The following SCRG1 variants were observed in gnomAD, a reference collection of about 807,000 sequenced individuals.
SCRG1 encodes stimulator of chondrogenesis 1, also known as scrapie-responsive protein 1.
SCRG1 carries 3 observed loss-of-function variants against 7.7 expected under a neutral mutation model. That is an observed-to-expected ratio of 0.39 (90% CI 0.18 to 1.01). SCRG1 has a LOEUF of 1.01. SCRG1 is among the 50% of genes least tolerant of loss of function. SCRG1 has a pLI of 0.36. For missense variants in SCRG1, 110 were observed against 117.2 expected (o/e 0.94, Z 0.28); for synonymous variants, 46 against 41.2 (o/e 1.12, Z -0.44).
the SCRG1 span, among the ~76,000 whole-genome samples, chr4:173,451,928 T>G: frequency 1.3e-5 from 2 of 152,176 alleles, no homozygotes; most frequent in Non-Finnish European, 2.9e-5. Flanking sequence ...CTGAGGTAGC[T>G]CTTGCAAGAA....
At chr4:173,485,116 A>T in the SCRG1 span, among the ~76,000 whole-genome samples, 598 of 52,232 alleles carry the variant, frequency 0.011, 99 homozygotes, top group Non-Finnish European at 0.017. Context: ...ATATTATATA[A>T]TATATAATAT....
chr4:173,498,030 C>G, the SCRG1 span, among the ~76,000 whole-genome samples: 1 of 152,176 alleles, frequency 6.6e-6, no homozygotes, highest in Non-Finnish European at 1.5e-5. Flanking sequence ...CGCCTTCTCC[C>G]AATATCCATC....
At chr4:173,473,503 T>C in the SCRG1 span, among the ~76,000 whole-genome samples, 1 of 152,178 alleles carries the variant, frequency 6.6e-6, no homozygotes, top group African/African-American at 2.4e-5. Flanking sequence ...ACAGATGATC[T>C]AGCTGTTGGA....
the SCRG1 span, among the ~76,000 whole-genome samples, chr4:173,427,250 G>C: frequency 1.3e-5 from 2 of 152,140 alleles, no homozygotes; most frequent in Non-Finnish European, 2.9e-5. Context: ...CCTATCTGCT[G>C]TCTAGCAGTT....
chr4:173,441,664 A>G, the SCRG1 span, among the ~76,000 whole-genome samples: 4 of 152,242 alleles, frequency 2.6e-5, no homozygotes, highest in Non-Finnish European at 5.9e-5. Context: ...CCACTGTGCT[A>G]GATGTGAGGC....
upstream of SCRG1, among the ~76,000 whole-genome samples, chr4:173,400,151 G>A (rs552498546): frequency 1.3e-5 from 2 of 152,298 alleles, no homozygotes; most frequent in East Asian, 3.9e-4. Context: ...GGTTTCCTGG[G>A]AGGAAAGGAG....
chr4:173,414,438 C>A, the SCRG1 span, among the ~76,000 whole-genome samples: 1 of 152,186 alleles, frequency 6.6e-6, no homozygotes, highest in South Asian at 2.1e-4. Flanking sequence ...AACTCAGCTT[C>A]CTGCAGTGGT....
chr4:173,502,594 G>A, the SCRG1 span, among the ~76,000 whole-genome samples: 1 of 152,158 alleles, frequency 6.6e-6, no homozygotes, highest in African/African-American at 2.4e-5. This position sits in a 1 kb window ranked among gnomAD's most constrained non-coding sequence, Gnocchi z 4.6. Context: ...TGTGGGCCCT[G>A]GGAGGAGTCC....
the SCRG1 span, among the ~76,000 whole-genome samples, chr4:173,418,351 T>C: frequency 6.6e-6 from 1 of 152,194 alleles, no homozygotes; most frequent in South Asian, 2.1e-4. Flanking sequence ...ACAGCACACC[T>C]TAGAGAGTTG....
chr4:173,499,796 GA>G, the SCRG1 span, among the ~76,000 whole-genome samples: 2,282 of 152,016 alleles, frequency 0.015, 54 homozygotes, highest in East Asian at 0.048. The surrounding 1 kb of genome is among the most constrained non-coding windows in gnomAD (Gnocchi z 4.1). Flanking sequence ...CATTTGGGGA[GA>G]AAAAAAAGTG....
At chr4:173,401,958 T>A (rs1490058829), upstream of SCRG1, among the ~76,000 whole-genome samples, 4 of 152,238 alleles carry the variant, frequency 2.6e-5, no homozygotes, top group Admixed American at 1.3e-4. Flanking sequence ...GAGTCTGCCT[T>A]TGTGGTTTTT....
At chr4:173,456,758 CAA>C in the SCRG1 span, among the ~76,000 whole-genome samples, 1 of 152,044 alleles carries the variant, frequency 6.6e-6, no homozygotes, top group Non-Finnish European at 1.5e-5. Flanking sequence ...TAAGGATTGA[CAA>C]AAAAAAAGTA....
chr4:173,476,467 AGTGT>A, the SCRG1 span, among the ~76,000 whole-genome samples: 1 of 151,460 alleles, frequency 6.6e-6, no homozygotes, highest in African/African-American at 2.4e-5. Flanking sequence ...TTCGCAAGTC[AGTGT>A]GCACTGAGTA....
In SCRG1 at chr4:173,386,262, A is replaced by G. The variant is rs1167192555; in HGVS notation, c.*2079T>C. ...CCATTCTCCTGCCTCAGCCTCCCAA[A>G]TAGCTGGGACTAGAGGCGCCTGCCA... On this transcript the variant is annotated 3_prime_UTR_variant, in exon 3 of 3. Coordinates refer to ENST00000296506, the MANE Select transcript of SCRG1 (RefSeq NM_007281.4). 3 of 151,648 alleles carry G rather than the reference A, an allele frequency of 2.0e-5. No individual in the cohort carries two copies. The highest frequency in any genetic ancestry group is 4.4e-5 in the Non-Finnish European group (3 of 68,468). The allele number at this position is 151,648 out of a possible 1,614,324, so 9.4% of individuals were successfully genotyped here.
At chr4:173,497,924 C>T in the SCRG1 span, among the ~76,000 whole-genome samples, 1 of 152,130 alleles carries the variant, frequency 6.6e-6, no homozygotes, top group African/African-American at 2.4e-5. Flanking sequence ...AGGTGATCCA[C>T]CCGCCTCGGC....
At chr4:173,471,658 GCCTATGTGCATA>G in the SCRG1 span, among the ~76,000 whole-genome samples, 1 of 152,176 alleles carries the variant, frequency 6.6e-6, no homozygotes, top group East Asian at 1.9e-4. Flanking sequence ...CACTCTGGTA[GCCTATGTGCATA>G]CCCATCCCAG....
upstream of SCRG1, among the ~76,000 whole-genome samples, chr4:173,406,928 C>T (rs541028792): frequency 2.0e-4 from 31 of 152,314 alleles, no homozygotes; most frequent in South Asian, 3.9e-3. Flanking sequence ...GAGGTGCGCG[C>T]TGGGCATGGT....
At chr4:173,433,574 C>A in the SCRG1 span, among the ~76,000 whole-genome samples, 1 of 152,170 alleles carries the variant, frequency 6.6e-6, no homozygotes, top group African/African-American at 2.4e-5. Flanking sequence ...TGTGAGCTTC[C>A]TCTTAGGATG....
At chr4:173,502,509 G>A in the SCRG1 span, among the ~76,000 whole-genome samples, 6 of 152,278 alleles carry the variant, frequency 3.9e-5, no homozygotes, top group East Asian at 1.9e-4. This position sits in a 1 kb window ranked among gnomAD's most constrained non-coding sequence, Gnocchi z 4.6. Flanking sequence ...TCCGCTCTCC[G>A]TTGCCTGGCT....
Sources: allele counts gnomAD v4.1 joint callset (sites outside exome capture counted in the v4.1 genomes callset), GRCh38; gene constraint gnomAD v4.1.1; non-coding constraint Gnocchi (gnomAD v3.1); transcripts MANE v1.5; gene names NCBI Gene and HGNC (gene_info 2026-07-23, HGNC 2026-07-21).